The following INSYN2B variants were observed in gnomAD, a reference collection of about 807,000 sequenced individuals.
The protein encoded by INSYN2B is protein INSYN2B.
Under a neutral mutation model 41.2 loss-of-function variants are expected in INSYN2B, and 16 were observed. The ratio of observed to expected loss-of-function variants is 0.39; its 90% CI spans 0.26 to 0.59. The LOEUF (loss-of-function observed/expected upper bound fraction) is 0.59, where lower values mean the gene tolerates loss of function less well. INSYN2B is among the 20% of genes least tolerant of loss of function. The pLI, the probability that INSYN2B is intolerant of heterozygous loss-of-function variation, is 0.57. For synonymous variants in INSYN2B, 245 were observed against 244.4 expected (o/e 1.00, Z -0.02); for missense variants, 608 against 646.4 (o/e 0.94, Z 0.64).
rs534790625 is a variant in INSYN2B, at chr5:169,862,095, A to G, written c.*2178T>C. Among the ~76,000 whole-genome samples, 26 of 152,166 alleles carry G rather than the reference A, an allele frequency of 1.7e-4. No homozygotes were observed. Among genetic ancestry groups the G allele is most frequent in the Non-Finnish European group, 3.4e-4 (23 of 68,034 alleles). On this transcript the variant is annotated 3_prime_UTR_variant, in exon 4 of 4. Transcript: ENST00000377365. ...TGTGAGGTACCTCAAACATCTCTTT[A>G]TCTTCCCAGGCTAACTTTGGCCAGT... is the stretch of plus-strand genomic sequence containing the variant.
intron 1 of INSYN2B, among the ~76,000 whole-genome samples, chr5:169,969,262 T>C (rs796456440): frequency 3.3e-5 from 5 of 152,118 alleles, no homozygotes; most frequent in African/African-American, 1.2e-4. Flanking sequence ...TTGGCCAATA[T>C]GGTAAAACAC....
chr5:169,890,753 G>T (rs1773233584), intron 1 of INSYN2B, among the ~76,000 whole-genome samples: 1 of 152,118 alleles, frequency 6.6e-6, no homozygotes, highest in Non-Finnish European at 1.5e-5. Flanking sequence ...TGTGCTGATT[G>T]TGAAATCTTG....
In INSYN2B at chr5:169,864,310, G is replaced by T. The variant is rs1561774897; in HGVS notation, c.1571C>A (p.Thr524Asn). 6.4e-7 allele frequency: 1 copy of T among 1,551,578 alleles called. No individual in the cohort carries two copies. The change falls in exon 4 of 4, where the codon ACC becomes AAC. Residue 524 changes from threonine (T) to asparagine (N), a missense_variant. Transcript: ENST00000377365. Reference sequence around the variant, plus strand: ...GAAGCATTTCTTTTTCACCTTCTTGGTTTTCCGCCTTAAGTCCTGCTTTTC... The same window carrying T: ...GAAGCATTTCTTTTTCACCTTCTTGTTTTTCCGCCTTAAGTCCTGCTTTTC... ...APEKQDLRRK[T>N]KKVKKKCFWW...
At chr5:169,876,695 A>G (rs1465418045) in intron 3 of INSYN2B, among the ~76,000 whole-genome samples, 1 of 152,252 alleles carries the variant, frequency 6.6e-6, no homozygotes, top group African/African-American at 2.4e-5. Flanking sequence ...AAAAAGACCC[A>G]TTGAGAACCA....
At chr5:169,886,598 G>A (rs1355650086) in intron 1 of INSYN2B, among the ~76,000 whole-genome samples, 1 of 152,190 alleles carries the variant, frequency 6.6e-6, no homozygotes, top group Non-Finnish European at 1.5e-5. Flanking sequence ...ACTGTTAAAT[G>A]CTATGTTAGC....
chr5:169,951,783 C>T (rs1253316745), intron 1 of INSYN2B, among the ~76,000 whole-genome samples: 1 of 152,172 alleles, frequency 6.6e-6, no homozygotes, highest in South Asian at 2.1e-4. Flanking sequence ...CTTCCACACA[C>T]TATTTAAGGC....
At chr5:169,870,530 A>G (rs1057445955) in intron 3 of INSYN2B, among the ~76,000 whole-genome samples, 4 of 152,202 alleles carry the variant, frequency 2.6e-5, no homozygotes, top group Non-Finnish European at 5.9e-5. Flanking sequence ...TCAGTTGTAT[A>G]TAACTTTTGA....
chr5:169,975,355 A>T (rs73327852), intron 1 of INSYN2B, among the ~76,000 whole-genome samples: 1,889 of 152,308 alleles, frequency 0.012, 41 homozygotes, highest in African/African-American at 0.043. Context: ...CATGTTTCTC[A>T]AAGTCCAAAT....
chr5:169,923,483 GCACACACA>G lies in INSYN2B; in HGVS notation c.-918-38675_-918-38668del, dbSNP rs34053722. ...CATGCGTGCGTGTGCATGCACGTGG[GCACACACA>G]CACACACACACACACACACACTCTT... On this transcript the variant is annotated intron_variant, in intron 1 of 3. Transcript: ENST00000377365. 9.2e-3 allele frequency among the ~76,000 whole-genome samples: 1,376 copies of G among 148,926 alleles called. 9 individuals carry two copies. The highest frequency in any genetic ancestry group is 0.014 in the Non-Finnish European group (933 of 66,990).
intron 1 of INSYN2B, among the ~76,000 whole-genome samples, chr5:169,943,606 C>G (rs903624553): frequency 2.6e-5 from 4 of 152,170 alleles, no homozygotes; most frequent in Non-Finnish European, 5.9e-5. Context: ...CCTGGCTTGT[C>G]TATTATATTA....
intron 3 of INSYN2B, among the ~76,000 whole-genome samples, chr5:169,873,417 C>T (rs547009484): frequency 2.2e-4 from 33 of 152,310 alleles, no homozygotes; most frequent in African/African-American, 7.2e-4. Context: ...ATGACGTTCA[C>T]GGCCCAGCAT....
intron 1 of INSYN2B, among the ~76,000 whole-genome samples, chr5:169,966,001 C>G (rs1777282962): frequency 6.6e-6 from 1 of 152,164 alleles, no homozygotes; most frequent in South Asian, 2.1e-4. Flanking sequence ...ACCTAGGTTT[C>G]CCTAGGATGA....
At chr5:169,972,810 C>A (rs1380757698) in intron 1 of INSYN2B, among the ~76,000 whole-genome samples, 1 of 152,186 alleles carries the variant, frequency 6.6e-6, no homozygotes, top group Non-Finnish European at 1.5e-5. Context: ...CCAATGTGGA[C>A]TAAGAATTAC....
intron 1 of INSYN2B, among the ~76,000 whole-genome samples, chr5:169,945,430 A>G (rs1031756593): frequency 1.3e-5 from 2 of 152,294 alleles, no homozygotes; most frequent in Non-Finnish European, 2.9e-5. Context: ...TAAACTCAAC[A>G]GAAATGCTAA....
intron 1 of INSYN2B, among the ~76,000 whole-genome samples, chr5:169,937,254 C>T (rs1185445554): frequency 2.6e-5 from 4 of 152,222 alleles, no homozygotes; most frequent in Non-Finnish European, 4.4e-5. Flanking sequence ...AAGCCTTCAA[C>T]ATTTATTATC....
chr5:169,888,535 T>C (rs548261272), intron 1 of INSYN2B, among the ~76,000 whole-genome samples: 17 of 152,298 alleles, frequency 1.1e-4, no homozygotes, highest in African/African-American at 4.1e-4. Flanking sequence ...TACAGAAACA[T>C]TGGACAATAT....
At chr5:169,945,705 C>T (rs920018137) in intron 1 of INSYN2B, among the ~76,000 whole-genome samples, 1 of 152,132 alleles carries the variant, frequency 6.6e-6, no homozygotes, top group Non-Finnish European at 1.5e-5. Context: ...GTGCTCCTCC[C>T]GCTTAAAAAT....
chr5:169,937,654 A>C (rs968034258), intron 1 of INSYN2B, among the ~76,000 whole-genome samples: 23 of 152,214 alleles, frequency 1.5e-4, no homozygotes, highest in African/African-American at 5.3e-4. Flanking sequence ...TTTTAATTTT[A>C]CAAATGGATA....
Position 169,962,692 on chromosome 5 carries a change from G to A in INSYN2B, c.-919+17585C>T, listed in dbSNP as rs144384775. On this transcript the variant is annotated intron_variant, in intron 1 of 3. Coordinates refer to ENST00000377365, the MANE Select transcript of INSYN2B (RefSeq NM_001129891.3). ...CTTGAAATGACATATTGGAAAATAC[G>A]GCACTAAAAAGTAGGGAATGATAAC... is the stretch of plus-strand genomic sequence containing the variant. 3.3e-3 allele frequency among the ~76,000 whole-genome samples: 500 copies of A among 152,192 alleles called. 6 individuals are homozygous for A. The highest frequency in any genetic ancestry group is 0.011 in the African/African-American group (473 of 41,516).
Sources: allele counts gnomAD v4.1 joint callset (sites outside exome capture counted in the v4.1 genomes callset), GRCh38; gene constraint gnomAD v4.1.1; transcripts MANE v1.5; gene names NCBI Gene and HGNC (gene_info 2026-07-23, HGNC 2026-07-21).